Variants in ZFPM2 observed in about 807,000 individuals in gnomAD.
ZFPM2 encodes the protein zinc finger protein, FOG family member 2.
A neutral mutation model predicts 98.6 loss-of-function variants in ZFPM2; 20 were observed. The ratio of observed to expected loss-of-function variants is 0.20; its 90% confidence interval spans 0.14 to 0.29. ZFPM2 has a LOEUF of 0.29. Among genes scored for constraint, ZFPM2 ranks in the 10% least tolerant of loss-of-function variants. The pLI, the probability that ZFPM2 is intolerant of heterozygous loss-of-function variation, is 1.00. For missense variants in ZFPM2, 1,310 were observed against 1,388.6 expected (o/e 0.94, Z 0.90); for synonymous variants, 518 against 502.7 (o/e 1.03, Z -0.41).
intron 5 of ZFPM2, among the ~76,000 whole-genome samples, chr8:105,723,692 G>A (rs1586220995): frequency 1.3e-5 from 2 of 151,698 alleles, no homozygotes; most frequent in South Asian, 2.1e-4. Context: ...TTCAAGGCTC[G>A]GGGGTTAGCA....
chr8:105,563,386 C>A (rs1760586540), intron 4 of ZFPM2, among the ~76,000 whole-genome samples: 1 of 152,098 alleles, frequency 6.6e-6, no homozygotes, highest in Admixed American at 6.6e-5. Flanking sequence ...ATATTTATTA[C>A]TTTGTACATT....
chr8:105,793,829 A>ATTCATTTCC (rs1307939763), intron 6 of ZFPM2, among the ~76,000 whole-genome samples: 2 of 147,410 alleles, frequency 1.4e-5, no homozygotes, highest in African/African-American at 5.4e-5. Context: ...GCTTCATTTC[A>ATTCATTTCC]TCTTCCATCG....
At chr8:105,545,276 T>C (rs1814670289) in intron 3 of ZFPM2, among the ~76,000 whole-genome samples, 1 of 152,208 alleles carries the variant, frequency 6.6e-6, no homozygotes, top group Admixed American at 6.5e-5. Context: ...TGTCCCTGAC[T>C]TTTTAATGTA....
intron 3 of ZFPM2, among the ~76,000 whole-genome samples, chr8:105,541,538 T>C (rs73306224): frequency 0.015 from 2,227 of 152,284 alleles, 49 homozygotes; most frequent in African/African-American, 0.048. Flanking sequence ...TTTAAATGCA[T>C]TTACATCTTG....
At chr8:105,332,369 C>T (rs539255878) in intron 1 of ZFPM2, among the ~76,000 whole-genome samples, 2 of 151,730 alleles carry the variant, frequency 1.3e-5, no homozygotes, top group East Asian at 3.9e-4. Flanking sequence ...AGAAAAATAC[C>T]AGGCACATAG....
At chr8:105,504,148 A>T (rs1411574837) in intron 3 of ZFPM2, among the ~76,000 whole-genome samples, 2 of 152,190 alleles carry the variant, frequency 1.3e-5, no homozygotes, top group East Asian at 3.8e-4. Flanking sequence ...CTCCCTGAGA[A>T]TTCCTGCCAA....
chr8:105,731,097 T>C (rs1811925007), intron 5 of ZFPM2, among the ~76,000 whole-genome samples: 1 of 151,764 alleles, frequency 6.6e-6, no homozygotes, highest in African/African-American at 2.4e-5. Flanking sequence ...CACTTACATG[T>C]GGATTGCTGA....
At chr8:105,446,941 C>T (rs886269430) in intron 3 of ZFPM2, among the ~76,000 whole-genome samples, 52 of 152,112 alleles carry the variant, frequency 3.4e-4, no homozygotes, top group African/African-American at 1.1e-3. Flanking sequence ...GGGGGTATTT[C>T]GTGTTTTCGC....
At chr8:105,664,009 A>T (rs899249325) in intron 5 of ZFPM2, among the ~76,000 whole-genome samples, 18 of 152,196 alleles carry the variant, frequency 1.2e-4, no homozygotes, top group Non-Finnish European at 2.4e-4. Context: ...AAGGAGATGA[A>T]GAAGATTTAG....
At chr8:105,696,346 C>T (rs1410215819) in intron 5 of ZFPM2, among the ~76,000 whole-genome samples, 2 of 152,102 alleles carry the variant, frequency 1.3e-5, no homozygotes, top group African/African-American at 4.8e-5. Flanking sequence ...CATCCTTCCC[C>T]CTTAATCCCT....
intron 5 of ZFPM2, among the ~76,000 whole-genome samples, chr8:105,781,242 C>T (rs557118078): frequency 3.3e-5 from 5 of 152,092 alleles, no homozygotes; most frequent in African/African-American, 7.2e-5. Flanking sequence ...ATGGTTAGGT[C>T]GAATCTTGAT....
chr8:105,726,132 CA>C (rs1811801681), intron 5 of ZFPM2, among the ~76,000 whole-genome samples: 1 of 151,732 alleles, frequency 6.6e-6, no homozygotes, highest in African/African-American at 2.4e-5. Flanking sequence ...GAGGAAATTC[CA>C]TCGAAATGCT....
intron 3 of ZFPM2, among the ~76,000 whole-genome samples, chr8:105,534,206 T>G (rs1586443132): frequency 1.7e-5 from 1 of 58,980 alleles, no homozygotes; most frequent in African/African-American, 8.5e-5. Context: ...CCTCCCTCCC[T>G]TCTTCCTTCT....
intron 6 of ZFPM2, chr8:105,795,961 A>G (rs1813794455): frequency 9.0e-6 from 2 of 222,140 alleles, no homozygotes; most frequent in Admixed American, 5.7e-5. Flanking sequence ...TGAATGAGGC[A>G]AAAGAGAAAT....
intron 1 of ZFPM2, among the ~76,000 whole-genome samples, chr8:105,368,828 G>C (rs750437951): frequency 6.6e-6 from 1 of 152,094 alleles, no homozygotes; most frequent in Non-Finnish European, 1.5e-5. Context: ...CATAATAGCT[G>C]CTCCAGAAAA....
intron 4 of ZFPM2, among the ~76,000 whole-genome samples, chr8:105,618,295 A>C (rs1364284007): frequency 2.0e-5 from 3 of 152,164 alleles, no homozygotes; most frequent in Non-Finnish European, 4.4e-5. Context: ...TAAGAGAAAA[A>C]TAGAAGGCAG....
chr8:105,376,703 A>G (rs953673797), intron 1 of ZFPM2, among the ~76,000 whole-genome samples: 3 of 152,206 alleles, frequency 2.0e-5, no homozygotes, highest in Non-Finnish European at 4.4e-5. Context: ...CCAATCTATT[A>G]TAAGTCCTAT....
intron 3 of ZFPM2, among the ~76,000 whole-genome samples, chr8:105,456,160 G>GT (rs200294630): frequency 8.6e-5 from 11 of 128,460 alleles, no homozygotes; most frequent in African/African-American, 2.6e-4. Flanking sequence ...TTTTTTGTTT[G>GT]TTTGTTTGTT....
At chr8:105,745,366 G>A (rs1181482553) in intron 5 of ZFPM2, among the ~76,000 whole-genome samples, 2 of 152,082 alleles carry the variant, frequency 1.3e-5, no homozygotes, top group African/African-American at 2.4e-5. Flanking sequence ...ATTCATGCAT[G>A]TATTTACTGA....
Sources: allele counts gnomAD v4.1 joint callset (sites outside exome capture counted in the v4.1 genomes callset), GRCh38; gene constraint gnomAD v4.1.1; transcripts MANE v1.5; gene names NCBI Gene and HGNC (gene_info 2026-07-23, HGNC 2026-07-21).